ZNF106: variants seen among roughly 807,000 people sequenced by gnomAD.
ZNF106 encodes zinc finger protein 106.
In ZNF106, 67 loss-of-function variants were observed where a neutral mutation model predicts 195.1. That is an observed-to-expected ratio of 0.34 (90% CI 0.28 to 0.42). The LOEUF is 0.42. ZNF106 is among the 10% of genes least tolerant of loss of function. The pLI, the probability that ZNF106 is intolerant of heterozygous loss-of-function variation, is 1.00. For synonymous variants in ZNF106, 784 were observed against 818.6 expected (o/e 0.96, Z 0.72); for missense variants, 2,118 against 2,304.5 (o/e 0.92, Z 1.66).
chr15:42,420,322 G>A lies in ZNF106; in HGVS notation c.5517+739C>T, dbSNP rs140076805. On this transcript the variant is annotated intron_variant, in intron 20 of 21. Coordinates refer to ENST00000564754, the MANE Select transcript of ZNF106 (RefSeq NM_001366845.3). ...ACATATCTACATTATATTCGCTACC[G>A]CCTGTTAGTCACTTAGCCCTCTTGA... Among the ~76,000 whole-genome samples, 429 of 152,080 alleles carry A rather than the reference G, an allele frequency of 2.8e-3. 2 individuals are homozygous for A. The highest frequency in any genetic ancestry group is 0.017 in the Middle Eastern group (5 of 294).
intron 3 of ZNF106, among the ~76,000 whole-genome samples, chr15:42,464,886 G>C (rs567716294): frequency 1.3e-5 from 2 of 152,246 alleles, no homozygotes; most frequent in South Asian, 4.1e-4. Flanking sequence ...GAGATCTGAT[G>C]GTTTTATAAA....
rs1436776939 is a variant in ZNF106 at position 42,449,875 on chromosome 15, T to A, written c.2397A>T (p.Pro799=). The A allele has an allele frequency of 5.6e-6, 9 of 1,614,096 alleles. No individual in the cohort carries two copies. Among genetic ancestry groups the A allele is most frequent in the Non-Finnish European group, 7.6e-6 (9 of 1,180,040 alleles). Residue 799 remains proline, a synonymous_variant, in exon 5 of 22, where the codon CCA becomes CCT. Transcript: ENST00000564754. ...ATGCATTTAGAATCTGCCGTAGGGTTGGCTTGAGCCCAGACTCCTTCTCTG... is the reference window on the plus strand; with the variant it reads ...ATGCATTTAGAATCTGCCGTAGGGTAGGCTTGAGCCCAGACTCCTTCTCTG... ...SETEKESGLK[P]TLRQILNASR...
In ZNF106 at chr15:42,450,583, C is replaced by T. The variant is rs372450773; in HGVS notation, c.1689G>A (p.Glu563=). The T allele has an allele frequency of 1.2e-6, 2 of 1,614,020 alleles. No individual in the cohort carries two copies. Among genetic ancestry groups the T allele is most frequent in the African/African-American group, 1.3e-5 (1 of 74,904 alleles). ...NLNDTLRKAK[E]VLQCHESLQN... is the part of the protein sequence containing the mutation. ...GCAATGACTCATGACACTGTAGCAC[C>T]TCTTTGGCCTTTCGTAAAGTATCAT... Residue 563 remains glutamate, a synonymous_variant, in exon 5 of 22, where the codon GAG becomes GAA. Coordinates refer to ENST00000564754, the MANE Select transcript of ZNF106 (RefSeq NM_001366845.3).
At chr15:42,465,054 G>A (rs1185275931) in intron 3 of ZNF106, among the ~76,000 whole-genome samples, 1 of 152,148 alleles carries the variant, frequency 6.6e-6, no homozygotes, top group East Asian at 1.9e-4. Context: ...TCTTGGGTAT[G>A]TCTTTATTAG....
chr15:42,451,970 T>C lies in ZNF106; in HGVS notation c.318-16A>G. ...TTCATCTTGTCTGGAAGAAAAACAG[T>C]TTTTCATTAGCGATTTAAAGGAATT... On this transcript the variant is annotated splice_polypyrimidine_tract_variant and intron_variant, in intron 4 of 21. Transcript: ENST00000564754. 6.3e-7 allele frequency: 1 copy of C among 1,592,422 alleles called. No homozygotes were observed. Among genetic ancestry groups the C allele is most frequent in the Non-Finnish European group, 8.5e-7 (1 of 1,169,992 alleles).
intron 13 of ZNF106, 70 bp from the exon 14 acceptor site, chr15:42,435,588 C>G: frequency 3.2e-6 from 5 of 1,577,352 alleles, no homozygotes; most frequent in Middle Eastern, 1.7e-4. Flanking sequence ...ATTTCCTCAA[C>G]AAAAAGATGC....
intron 1 of ZNF106, among the ~76,000 whole-genome samples, chr15:42,482,944 CCT>C (rs1228901183): frequency 5.3e-5 from 8 of 152,124 alleles, no homozygotes; most frequent in Non-Finnish European, 1.2e-4. Context: ...TGATGCTTCT[CCT>C]CTCTCTCTGC....
At chr15:42,473,475 C>T (rs59206762) in intron 1 of ZNF106, among the ~76,000 whole-genome samples, 10,925 of 152,208 alleles carry the variant, frequency 0.072, 845 homozygotes, top group Admixed American at 0.16. Context: ...ATCACAGATC[C>T]TCCCACCTTT....
Position 42,450,914 on chromosome 15 carries a change from C to T in ZNF106, c.1358G>A (p.Arg453Lys). 2 of 1,614,116 alleles carry T rather than the reference C, an allele frequency of 1.2e-6. No individual in the cohort carries two copies. The highest frequency in any genetic ancestry group is 3.3e-5 in the Admixed American group (2 of 60,002). The change falls in exon 5 of 22, where the codon AGA (arginine) becomes AAA (lysine). Residue 453 changes from arginine to lysine, a missense_variant. Physicochemically the swap from Arg to Lys is conservative, Grantham distance 26. Coordinates refer to ENST00000564754, the MANE Select transcript of ZNF106 (RefSeq NM_001366845.3). ...AGGTTTTTCTGCAGTGGGGCACTGT[C>T]TCACCACCTCGAAGGAAGCAGCGGA... is the stretch of plus-strand genomic sequence containing the variant. ...SDSAASFEVV[R>K]QCPTAEKPEQ... is the part of the protein sequence containing the mutation.
rs145735602 is a variant in ZNF106 at position 42,461,433 on chromosome 15, G to A, written c.117-4275C>T. Among the ~76,000 whole-genome samples, 4 of 152,330 alleles carry A rather than the reference G, an allele frequency of 2.6e-5. No homozygotes were observed. The East Asian group carries it at 7.7e-4, about 29-fold the overall frequency. On this transcript the variant is annotated intron_variant, in intron 3 of 21. Transcript: ENST00000564754. ...GTTACCACACAATTTCCTCTCATGT[G>A]TGAAACACAAAGTCTTAAGATACTC...
At chr15:42,431,121 T>G (rs1336297001) in intron 14 of ZNF106, among the ~76,000 whole-genome samples, 2 of 152,056 alleles carry the variant, frequency 1.3e-5, no homozygotes, top group African/African-American at 4.8e-5. Flanking sequence ...CCACAATAAT[T>G]TAGAAGTATC....
chr15:42,442,073 T>C lies in ZNF106; in HGVS notation c.3763A>G (p.Arg1255Gly), dbSNP rs573314633. The change falls in exon 10 of 22, where the codon AGA becomes GGA. Residue 1255 changes from arginine to glycine, a missense_variant and splice_region_variant. Coordinates refer to ENST00000564754, the MANE Select transcript of ZNF106 (RefSeq NM_001366845.3). ...TTAACCCAGAGAAAAGCTTACATAC[T>C]ATTAGCTTCCAGTAATTCCTTGGAC... ...NVSKELLEAN[R>G]EISDSCPVYP... The C allele has an allele frequency of 3.0e-4, 476 of 1,606,826 alleles. 4 individuals carry two copies. In the South Asian group the frequency reaches 4.9e-3, roughly 17 times the overall value.
At chr15:42,437,465 C>G in intron 12 of ZNF106, 88 bp from the exon 13 acceptor site, 1 of 1,468,038 alleles carries the variant, frequency 6.8e-7, no homozygotes, top group Non-Finnish European at 9.1e-7. Flanking sequence ...ATACAGTAGT[C>G]CCTAGATTAA....
At chr15:42,483,706 T>A (rs2056954235) in intron 1 of ZNF106, among the ~76,000 whole-genome samples, 1 of 152,226 alleles carries the variant, frequency 6.6e-6, no homozygotes, top group African/African-American at 2.4e-5. Context: ...TAATGTGTAT[T>A]ACATAGGTTT....
At chr15:42,478,030 A>G (rs2056820915) in intron 1 of ZNF106, among the ~76,000 whole-genome samples, 1 of 151,520 alleles carries the variant, frequency 6.6e-6, no homozygotes, top group Non-Finnish European at 1.5e-5. Flanking sequence ...CCCAGGCTGG[A>G]GTGCAGTGGT....
In ZNF106 at chr15:42,450,066, C is replaced by A; in HGVS notation, c.2206G>T (p.Gly736Cys). ...TTACTTAGTTCAGGCAGGAGAGGGCCCGAGGGCTGACTGATGTCACTTTTT... is the reference window on the plus strand; with the variant it reads ...TTACTTAGTTCAGGCAGGAGAGGGCACGAGGGCTGACTGATGTCACTTTTT... ...LQKSDISQPS[G>C]PLLPELSKLG... is the part of the protein sequence containing the mutation. The change falls in exon 5 of 22, where the codon GGC becomes TGC. Residue 736 changes from glycine (G) to cysteine (C), a missense_variant. Coordinates refer to ENST00000564754, the MANE Select transcript of ZNF106 (RefSeq NM_001366845.3). The A allele has an allele frequency of 6.2e-7, 1 of 1,614,138 alleles. No homozygotes were observed. The highest frequency in any genetic ancestry group is 2.2e-5 in the East Asian group (1 of 44,880).
rs779800886 is a variant in ZNF106, at chr15:42,439,376, T to C, written c.4201A>G (p.Thr1401Ala). Residue 1401 changes from threonine to alanine, a missense_variant, in exon 11 of 22, where the codon ACT becomes GCT. Coordinates refer to ENST00000564754, the MANE Select transcript of ZNF106 (RefSeq NM_001366845.3). ...ENSDTEQDVL[T>A]VKPVRKVKAG... Reference sequence around the variant, plus strand: ...TTTACTTTCCTTACAGGTTTAACAGTCAAAACATCCTGTTCAGTGTCACTA... The same window carrying C: ...TTTACTTTCCTTACAGGTTTAACAGCCAAAACATCCTGTTCAGTGTCACTA... The C allele has an allele frequency of 6.2e-7, 1 of 1,614,060 alleles. No homozygotes were observed. Among genetic ancestry groups the C allele is most frequent in the Non-Finnish European group, 8.5e-7 (1 of 1,180,020 alleles).
Position 42,442,273 on chromosome 15 carries a change from G to T in ZNF106, c.3563C>A (p.Ser1188Tyr), listed in dbSNP as rs774837873. The change falls in exon 10 of 22, where the codon TCC becomes TAC. Residue 1188 changes from serine to tyrosine, a missense_variant. Coordinates refer to ENST00000564754, the MANE Select transcript of ZNF106 (RefSeq NM_001366845.3). The stretch of plus-strand genomic sequence containing the variant: ...TCCGGTGGGTGATGGAGACACATGG[G>T]AAGATGGAGGCTCCAGAAAAAGTGG... Reference protein sequence around the residue: ...FFPLFLEPPSSHVSPSPTGAS... With the variant: ...FFPLFLEPPSYHVSPSPTGAS... The T allele has an allele frequency of 5.0e-6, 8 of 1,614,052 alleles. No individual in the cohort carries two copies. In the South Asian group the frequency reaches 8.8e-5, roughly 18 times the overall value.
chr15:42,460,165 C>A (rs575761306), intron 3 of ZNF106, among the ~76,000 whole-genome samples: 27 of 152,210 alleles, frequency 1.8e-4, no homozygotes, highest in African/African-American at 5.8e-4. Flanking sequence ...GTACCAGAGA[C>A]ATCTTTCTAT....
Sources: allele counts gnomAD v4.1 joint callset (sites outside exome capture counted in the v4.1 genomes callset), GRCh38; gene constraint gnomAD v4.1.1; transcripts MANE v1.5; gene names NCBI Gene and HGNC (gene_info 2026-07-23, HGNC 2026-07-21).